Variants in HDAC9 observed in about 807,000 individuals in gnomAD.
The protein encoded by HDAC9 is histone deacetylase 9.
Under a neutral mutation model 139.4 loss-of-function variants are expected in HDAC9, and 41 were observed. The observed-to-expected ratio is 0.29, with a 90% CI of 0.23 to 0.38. The LOEUF (loss-of-function observed/expected upper bound fraction) is 0.38, where lower values mean the gene tolerates loss of function less well. Ranked by LOEUF, HDAC9 falls within the 10% of genes least tolerant of loss-of-function variation. The probability of loss-of-function intolerance (pLI) is 1.00; values close to 1 mark genes in which losing one functional copy is unlikely to be tolerated. For missense variants in HDAC9, 1,147 were observed against 1,297.0 expected (o/e 0.88, Z 1.78); for synonymous variants, 517 against 476.2 (o/e 1.09, Z -1.12).
chr7:18,341,829 C>T (rs1782037515), intron 1 of HDAC9, among the ~76,000 whole-genome samples: 1 of 151,606 alleles, frequency 6.6e-6, no homozygotes, highest in African/African-American at 2.4e-5. Flanking sequence ...TTTCTTGGGT[C>T]TTGAAAAATT....
intron 7 of HDAC9, among the ~76,000 whole-genome samples, chr7:18,631,155 C>T (rs1009416261): frequency 6.6e-6 from 1 of 152,018 alleles, no homozygotes; most frequent in African/African-American, 2.4e-5. Context: ...ATGATTGGTT[C>T]TTATTTATAA....
intron 2 of HDAC9, among the ~76,000 whole-genome samples, chr7:18,584,570 A>C (rs956350474): frequency 2.0e-5 from 3 of 152,104 alleles, no homozygotes; most frequent in Non-Finnish European, 4.4e-5. Context: ...GGTTTGATTA[A>C]ATACTTGTTT....
chr7:18,946,036 CAAAAAAAAAAAAAAAAAAAAAAA>C (rs1171055959), intron 23 of HDAC9, among the ~76,000 whole-genome samples: 1,881 of 38,318 alleles, frequency 0.049, 76 homozygotes, highest in African/African-American at 0.13. Context: ...GACTCCGTCT[CAAAAAAAAAAAAAAAAAAAAAAA>C]AAAAAAAAAA....
intron 1 of HDAC9, among the ~76,000 whole-genome samples, chr7:18,341,009 T>C (rs868792713): frequency 6.6e-6 from 1 of 151,566 alleles, no homozygotes; most frequent in Non-Finnish European, 1.5e-5. Context: ...CTTTTTTTTT[T>C]CTTTTAGTAT....
At chr7:18,594,539 G>C (rs1048318917) in intron 6 of HDAC9, among the ~76,000 whole-genome samples, 1 of 151,950 alleles carries the variant, frequency 6.6e-6, no homozygotes, top group Non-Finnish European at 1.5e-5. Flanking sequence ...ATATCTCATG[G>C]ATTATAATAG....
chr7:18,125,982 A>G (rs1180800026), intron 1 of HDAC9, among the ~76,000 whole-genome samples: 1 of 152,182 alleles, frequency 6.6e-6, no homozygotes, highest in Non-Finnish European at 1.5e-5. Flanking sequence ...TTGTTGGTCT[A>G]TCTACCTGTA....
chr7:18,142,954 G>T (rs535472631), intron 1 of HDAC9, among the ~76,000 whole-genome samples: 14 of 152,270 alleles, frequency 9.2e-5, no homozygotes, highest in African/African-American at 3.4e-4. Flanking sequence ...CAGAAACCCT[G>T]GACTTAGTTG....
chr7:18,570,683 T>G (rs1823990430), intron 2 of HDAC9, among the ~76,000 whole-genome samples: 1 of 152,150 alleles, frequency 6.6e-6, no homozygotes. Context: ...GTGGCCTCCA[T>G]TTTCCTCATT....
chr7:18,583,380 G>A (rs889559734), intron 2 of HDAC9, among the ~76,000 whole-genome samples: 4 of 151,992 alleles, frequency 2.6e-5, no homozygotes, highest in Non-Finnish European at 5.9e-5. Context: ...TTTGAAAACT[G>A]GTACATGTAA....
At chr7:18,413,764 A>T (rs1349381175) in intron 1 of HDAC9, among the ~76,000 whole-genome samples, 1 of 152,102 alleles carries the variant, frequency 6.6e-6, no homozygotes, top group East Asian at 1.9e-4. Context: ...GGTGAGTAAA[A>T]TGACCTCATA....
At chr7:18,637,248 T>C (rs1330214753) in intron 8 of HDAC9, among the ~76,000 whole-genome samples, 1 of 152,084 alleles carries the variant, frequency 6.6e-6, no homozygotes, top group Non-Finnish European at 1.5e-5. Context: ...CATGATTTGA[T>C]AGTTACTAAA....
chr7:18,921,566 AG>A (rs1440690963), intron 22 of HDAC9, among the ~76,000 whole-genome samples: 1 of 152,208 alleles, frequency 6.6e-6, no homozygotes, highest in East Asian at 1.9e-4. Flanking sequence ...ATCATTAAAA[AG>A]TCAGGAAACA....
chr7:18,363,021 A>G (rs942168116), intron 1 of HDAC9, among the ~76,000 whole-genome samples: 5 of 152,206 alleles, frequency 3.3e-5, no homozygotes, highest in Non-Finnish European at 7.3e-5. Context: ...AGCTTATTAA[A>G]ATAGTAAACT....
rs531390030 is a variant in HDAC9, at chr7:18,458,828, T to C, written c.-41-37434T>C. 1,633 of 1,532,446 alleles carry C rather than the reference T, an allele frequency of 1.1e-3. 14 individuals are homozygous for C. Among genetic ancestry groups the C allele is most frequent in the South Asian group, 0.01 (872 of 83,944 alleles). 94.9% of individuals were successfully genotyped at this position (1,532,446 alleles called of 1,614,324 possible). On this transcript the variant is annotated intron_variant, in intron 1 of 3. Coordinates refer to the HDAC9 transcript ENST00000413509. ...GGTCCTTCCTTCTTCAACCTGACTT[T>C]CTTATCCCCACAGACCTCATGTGGA...
chr7:18,255,697 C>T lies in HDAC9; in HGVS notation c.25+93348C>T, dbSNP rs1036183726. 7.2e-5 allele frequency among the ~76,000 whole-genome samples: 9 copies of T among 125,742 alleles called. No individual in the cohort carries two copies. The East Asian group carries it at 7.5e-4, about 10-fold the overall frequency. 82.5% of individuals were successfully genotyped at this position (125,742 alleles called of 152,430 possible). On this transcript the variant is annotated intron_variant, in intron 2 of 12. Transcript: ENST00000417496. ...AGGCGGGCGCGCGGTGACGTGATTTCGGCTCACTGCACCCTCTGCCTCCAG... is the reference window on the plus strand; with the variant it reads ...AGGCGGGCGCGCGGTGACGTGATTTTGGCTCACTGCACCCTCTGCCTCCAG...
chr7:18,606,841 T>C (rs1835651523), intron 6 of HDAC9, among the ~76,000 whole-genome samples: 1 of 152,206 alleles, frequency 6.6e-6, no homozygotes, highest in African/African-American at 2.4e-5. Flanking sequence ...ATCTGAAATC[T>C]GAATTGCTCT....
intron 1 of HDAC9, among the ~76,000 whole-genome samples, chr7:18,089,653 T>G (rs894492641): frequency 1.3e-5 from 2 of 152,146 alleles, no homozygotes; most frequent in African/African-American, 4.8e-5. Flanking sequence ...CCTTTCTTTT[T>G]ATTAGAATTA....
chr7:18,810,976 T>C (rs1794128486), intron 17 of HDAC9, among the ~76,000 whole-genome samples: 1 of 151,864 alleles, frequency 6.6e-6, no homozygotes, highest in Admixed American at 6.6e-5. Context: ...TATATTTTTA[T>C]TTCATGTGGG....
At chr7:18,954,474 C>G (rs1783014179) in intron 24 of HDAC9, among the ~76,000 whole-genome samples, 1 of 150,950 alleles carries the variant, frequency 6.6e-6, no homozygotes, top group Non-Finnish European at 1.5e-5. Flanking sequence ...GAGTTTTTAC[C>G]ATTATGATCA....
Sources: allele counts gnomAD v4.1 joint callset (sites outside exome capture counted in the v4.1 genomes callset), GRCh38; gene constraint gnomAD v4.1.1; transcripts MANE v1.5; gene names NCBI Gene and HGNC (gene_info 2026-07-23, HGNC 2026-07-21).